CHST12: variants seen among roughly 807,000 people sequenced by gnomAD.
The protein encoded by CHST12 is carbohydrate sulfotransferase 12.
In CHST12, 23 loss-of-function variants were observed where a neutral mutation model predicts 27.9. The ratio of observed to expected loss-of-function variants is 0.82; its 90% confidence interval spans 0.59 to 1.17. CHST12 has a LOEUF of 1.17. Ranked by LOEUF, CHST12 falls within the 50% of genes most tolerant of loss-of-function variation. The pLI is 0.00. For missense variants in CHST12, 682 were observed against 603.0 expected (o/e 1.13, Z -1.37); for synonymous variants, 322 against 273.0 (o/e 1.18, Z -1.77).
chr7:2,406,157 C>T (rs1168194984), intron 1 of CHST12, among the ~76,000 whole-genome samples: 3 of 152,162 alleles, frequency 2.0e-5, no homozygotes, highest in East Asian at 1.9e-4. Context: ...TCTTTCTTTT[C>T]GGAGAGTAGC....
chr7:2,414,498 T>A (rs1050259629), intron 1 of CHST12, among the ~76,000 whole-genome samples: 3 of 152,126 alleles, frequency 2.0e-5, no homozygotes, highest in Non-Finnish European at 4.4e-5. Flanking sequence ...TTGGACAGGC[T>A]GGTCTTGAAC....
chr7:2,422,090 G>A (rs971292552), intron 1 of CHST12, among the ~76,000 whole-genome samples: 2 of 152,094 alleles, frequency 1.3e-5, no homozygotes, highest in African/African-American at 2.4e-5. Flanking sequence ...ATTCGTGGAC[G>A]GCGGCAGCAT....
In CHST12 at chr7:2,433,339, A is replaced by G. The variant is rs1782356814; in HGVS notation, c.700A>G (p.Lys234Glu). The G allele has an allele frequency of 6.2e-7, 1 of 1,612,472 alleles. No individual in the cohort carries two copies. The highest frequency in any genetic ancestry group is 1.7e-5 in the Admixed American group (1 of 60,002). ...GCTCTCCCGCCACCTCATGAAGGTC[A>G]AGCTCAAGAAGTACACCAAGTTCCT... ...GKLSRHLMKV[K>E]LKKYTKFLFV... is the part of the protein sequence containing the mutation. Residue 234 changes from lysine (K) to glutamate (E), a missense_variant, in exon 2 of 2, where the codon AAG becomes GAG. By Grantham distance (56) the Lys-to-Glu change is moderately conservative. Transcript: ENST00000618655. The surrounding 1 kb of genome is among the most constrained non-coding windows in gnomAD (Gnocchi z 6.1).
At chr7:2,406,419 G>T (rs1781524701) in intron 1 of CHST12, among the ~76,000 whole-genome samples, 1 of 115,496 alleles carries the variant, frequency 8.7e-6, no homozygotes, top group Non-Finnish European at 1.8e-5. Flanking sequence ...ACGGGGTGGG[G>T]GAACAGTTGA....
Position 2,404,993 on chromosome 7 carries a change from GCGACATTTTC to G in CHST12, c.-78+1332_-78+1341del, listed in dbSNP as rs536290773. 4.4e-3 allele frequency among the ~76,000 whole-genome samples: 670 copies of G among 152,320 alleles called. 8 individuals are homozygous for G. Among genetic ancestry groups the G allele is most frequent in the African/African-American group, 0.015 (618 of 41,560 alleles). ...GTGGTGCAGGCGTTAACAGAATGTGGCGACATTTTCCGACATTTTCCACAGTGGAGAGGAC... is the reference window on the plus strand; with the variant it reads ...GTGGTGCAGGCGTTAACAGAATGTGGCGACATTTTCCACAGTGGAGAGGAC... On this transcript the variant is annotated intron_variant, in intron 1 of 1. Transcript: ENST00000618655.
At chr7:2,418,634 A>G (rs906377703) in intron 1 of CHST12, among the ~76,000 whole-genome samples, 2 of 152,174 alleles carry the variant, frequency 1.3e-5, no homozygotes, top group South Asian at 4.1e-4. Flanking sequence ...AGCAGGTGGG[A>G]TCATGACCGC....
chr7:2,415,963 C>G (rs778619711), intron 1 of CHST12, among the ~76,000 whole-genome samples: 1 of 152,168 alleles, frequency 6.6e-6, no homozygotes, highest in African/African-American at 2.4e-5. Flanking sequence ...TTGACTCTTA[C>G]TTTTACAAAA....
At position 2,434,116 on chromosome 7, in the gene CHST12, G is replaced by T. The variant is rs1274498619; in HGVS notation, c.*232G>T. 4.2e-5 allele frequency: 15 copies of T among 358,534 alleles called. No homozygotes were observed. Among genetic ancestry groups the T allele is most frequent in the Non-Finnish European group, 7.0e-5 (14 of 199,814 alleles). The allele number at this position is 358,534 out of a possible 1,614,324, so 22.2% of individuals were successfully genotyped here. A position where few individuals can be genotyped will look rare whatever the true frequency, so the allele number is the denominator to read the frequency against. On this transcript the variant is annotated 3_prime_UTR_variant, in exon 2 of 2. Transcript: ENST00000618655. ...CCCTCTCCCCTCCGCCCGCCCACCC[G>T]CCCGCCCGCTCGCCCGCTCGCCCGC... is the stretch of plus-strand genomic sequence containing the variant.
chr7:2,431,972 T>C (rs1782279654), intron 1 of CHST12, among the ~76,000 whole-genome samples: 1 of 151,810 alleles, frequency 6.6e-6, no homozygotes, highest in African/African-American at 2.4e-5. Flanking sequence ...CAGAGCTCAC[T>C]GATCACAGTT....
At chr7:2,407,430 A>G (rs1030504524) in intron 1 of CHST12, among the ~76,000 whole-genome samples, 1 of 152,218 alleles carries the variant, frequency 6.6e-6, no homozygotes, top group Non-Finnish European at 1.5e-5. Context: ...CCTGGGTGAC[A>G]GAGCAAGACC....
chr7:2,419,068 G>C (rs1340728162), intron 1 of CHST12, among the ~76,000 whole-genome samples: 1 of 152,192 alleles, frequency 6.6e-6, no homozygotes, highest in Non-Finnish European at 1.5e-5. Context: ...AAATTGCTGG[G>C]ATCACAGGCA....
intron 1 of CHST12, among the ~76,000 whole-genome samples, chr7:2,425,489 A>G (rs760432094): frequency 2.1e-4 from 32 of 152,250 alleles, no homozygotes; most frequent in Non-Finnish European, 4.4e-4. Context: ...AAAGAAAGAG[A>G]TAGGATCTGG....
chr7:2,429,212 C>T (rs1313835893), intron 1 of CHST12, among the ~76,000 whole-genome samples: 1 of 152,180 alleles, frequency 6.6e-6, no homozygotes, highest in Non-Finnish European at 1.5e-5. Flanking sequence ...TAATCAGGAG[C>T]ATTTCATCTT....
In CHST12 at chr7:2,436,937, G is replaced by C. The variant is rs1041500320; in HGVS notation, c.*3053G>C. The C allele has an allele frequency of 1.3e-5, 2 of 152,246 alleles. No individual in the cohort carries two copies. Among genetic ancestry groups the C allele is most frequent in the Non-Finnish European group, 2.9e-5 (2 of 68,066 alleles). The allele number at this position is 152,246 out of a possible 1,614,324, so 9.4% of individuals were successfully genotyped here. On this transcript the variant is annotated 3_prime_UTR_variant, in exon 2 of 2. Coordinates refer to ENST00000618655, the MANE Select transcript of CHST12 (RefSeq NM_018641.5). Reference sequence around the variant, plus strand: ...ACTCCGGATGGGAGTGGCAGAAAAGGGCCTGCTGGGCCGAGGGGAGGCGTC... The same window carrying C: ...ACTCCGGATGGGAGTGGCAGAAAAGCGCCTGCTGGGCCGAGGGGAGGCGTC...
chr7:2,408,356 C>G (rs1781575938), intron 1 of CHST12, among the ~76,000 whole-genome samples: 1 of 124,886 alleles, frequency 8.0e-6, no homozygotes, highest in Non-Finnish European at 1.6e-5. Context: ...GGGTGAGACT[C>G]CGTCTCAAAA....
intron 1 of CHST12, among the ~76,000 whole-genome samples, chr7:2,419,631 C>G (rs1020456118): frequency 6.7e-6 from 1 of 149,590 alleles, no homozygotes. Flanking sequence ...CGCTTGAACC[C>G]GGGAAGCAGA....
chr7:2,426,641 T>C (rs557288183), intron 1 of CHST12, among the ~76,000 whole-genome samples: 1 of 152,026 alleles, frequency 6.6e-6, no homozygotes, highest in South Asian at 2.1e-4. Context: ...GGTTTTTTTT[T>C]TTAAAGCACT....
At chr7:2,405,290 C>T (rs1781494052) in intron 1 of CHST12, among the ~76,000 whole-genome samples, 1 of 152,028 alleles carries the variant, frequency 6.6e-6, no homozygotes, top group South Asian at 2.1e-4. Context: ...ACTAAAAATA[C>T]AAAATTTAGC....
rs1048873247 is a variant in CHST12 at position 2,447,351 on chromosome 7, C to G, written c.*13467C>G. On this transcript the variant is annotated 3_prime_UTR_variant, in exon 2 of 2. Transcript: ENST00000618655. ...CTCAGTGACCCTCTGTGCTTGCCTT[C>G]GTGGTCTTCCTCATGGAGGATTTCG... The G allele has an allele frequency of 6.6e-6, 1 of 152,258 alleles. No homozygotes were observed. Among genetic ancestry groups the G allele is most frequent in the African/African-American group, 2.4e-5 (1 of 41,456 alleles). 9.4% of individuals were successfully genotyped at this position (152,258 alleles called of 1,614,324 possible).
Sources: allele counts gnomAD v4.1 joint callset (sites outside exome capture counted in the v4.1 genomes callset), GRCh38; gene constraint gnomAD v4.1.1; non-coding constraint Gnocchi (gnomAD v3.1); transcripts MANE v1.5; gene names NCBI Gene and HGNC (gene_info 2026-07-23, HGNC 2026-07-21).